USP45: variants seen among roughly 807,000 people sequenced by gnomAD.
The protein encoded by USP45 is ubiquitin carboxyl-terminal hydrolase 45.
A neutral mutation model predicts 95.8 loss-of-function variants in USP45; 89 were observed. The observed-to-expected ratio is 0.93, with a 90% CI of 0.78 to 1.11. The LOEUF (loss-of-function observed/expected upper bound fraction) is 1.11, where lower values mean the gene tolerates loss of function less well. Ranked by LOEUF, USP45 falls within the 50% of genes least tolerant of loss-of-function variation. USP45 has a pLI of 0.00. For synonymous variants in USP45, 281 were observed against 316.2 expected, an observed-to-expected ratio of 0.89 and a Z score of 1.18; for missense variants, 898 against 942.5, an observed-to-expected ratio of 0.95 and a Z score of 0.62.
intron 7 of USP45, among the ~76,000 whole-genome samples, chr6:99,486,393 C>A (rs1168396910): frequency 6.6e-6 from 1 of 152,042 alleles, no homozygotes; most frequent in African/African-American, 2.4e-5. Context: ...AACTCAACAT[C>A]CAATCGCATT....
upstream of USP45, among the ~76,000 whole-genome samples, chr6:99,516,425 T>C (rs1801113891): frequency 6.6e-6 from 1 of 152,214 alleles, no homozygotes; most frequent in African/African-American, 2.4e-5. Context: ...AGCATTGGCG[T>C]AGAAATCAGA....
rs116248042 is a variant in USP45 at position 99,454,782 on chromosome 6, C to T, written c.1309-8319G>A. ...GTTGGTGGGAATGTAATTAGTACAGCCATCATAGAAAACAGTATGGAGATG... is the reference window on the plus strand; with the variant it reads ...GTTGGTGGGAATGTAATTAGTACAGTCATCATAGAAAACAGTATGGAGATG... On this transcript the variant is annotated intron_variant, in intron 13 of 17. Transcript: ENST00000500704. Among the ~76,000 whole-genome samples the T allele has an allele frequency of 3.0e-3, 449 of 152,182 alleles. 2 individuals carry two copies. Among genetic ancestry groups the T allele is most frequent in the African/African-American group, 0.01 (435 of 41,516 alleles).
At chr6:99,471,803 C>T (rs1401234482) in intron 9 of USP45, among the ~76,000 whole-genome samples, 1 of 152,190 alleles carries the variant, frequency 6.6e-6, no homozygotes, top group Non-Finnish European at 1.5e-5. Context: ...AAACACATGG[C>T]AGTGACACCC....
chr6:99,448,606 G>T (rs1414664135), intron 13 of USP45, among the ~76,000 whole-genome samples: 1 of 152,274 alleles, frequency 6.6e-6, no homozygotes, highest in Middle Eastern at 3.4e-3. Flanking sequence ...CACTCTGCAG[G>T]ATATTATCCA....
At chr6:99,467,504 C>T (rs1365834927) in intron 10 of USP45, among the ~76,000 whole-genome samples, 25 of 151,982 alleles carry the variant, frequency 1.6e-4, no homozygotes, top group Non-Finnish European at 1.2e-4. Flanking sequence ...TTCATACAAA[C>T]AATATTCAAA....
chr6:99,516,013 G>A (rs1001537400), upstream of USP45, among the ~76,000 whole-genome samples: 1 of 151,904 alleles, frequency 6.6e-6, no homozygotes, highest in South Asian at 2.1e-4. Context: ...TCCTGACCTT[G>A]TGATCCGCCC....
intron 1 of USP45, among the ~76,000 whole-genome samples, chr6:99,513,227 C>G (rs878859278): frequency 1.3e-5 from 2 of 152,100 alleles, no homozygotes; most frequent in African/African-American, 4.8e-5. Flanking sequence ...TTCTCCATGT[C>G]GGGAGAAAGT....
intron 13 of USP45, chr6:99,462,030 T>C (rs1786567582): frequency 9.1e-6 from 9 of 985,176 alleles, no homozygotes; most frequent in Middle Eastern, 5.2e-4. Context: ...AATTTTCGCT[T>C]CTTGAATATA....
chr6:99,507,072 C>A (rs1349668446), intron 4 of USP45, among the ~76,000 whole-genome samples: 1 of 152,028 alleles, frequency 6.6e-6, no homozygotes, highest in Non-Finnish European at 1.5e-5. Context: ...GCAGGCATGG[C>A]GGCATGCGCC....
At chr6:99,456,145 A>G (rs951729964) in intron 13 of USP45, among the ~76,000 whole-genome samples, 26 of 151,366 alleles carry the variant, frequency 1.7e-4, no homozygotes, top group African/African-American at 5.1e-4. Context: ...AAAAAAAAAA[A>G]AAAAAAAAAA....
At chr6:99,480,574 G>T (rs1490770767) in intron 8 of USP45, among the ~76,000 whole-genome samples, 1 of 151,900 alleles carries the variant, frequency 6.6e-6, no homozygotes, top group African/African-American at 2.4e-5. Flanking sequence ...TGAGGCAGGA[G>T]AATTGCTTGA....
chr6:99,460,606 G>T (rs772924993), intron 13 of USP45, among the ~76,000 whole-genome samples: 1 of 152,062 alleles, frequency 6.6e-6, no homozygotes, highest in African/African-American at 2.4e-5. Flanking sequence ...AGATCCCTTC[G>T]AATACAGCGT....
chr6:99,481,294 T>C (rs547929446), intron 8 of USP45, among the ~76,000 whole-genome samples: 51 of 152,360 alleles, frequency 3.3e-4, no homozygotes, highest in African/African-American at 1.2e-3. Context: ...TGTGTATGTA[T>C]GATCACTTTT....
chr6:99,449,693 T>C (rs997402614), intron 13 of USP45, among the ~76,000 whole-genome samples: 3 of 152,204 alleles, frequency 2.0e-5, no homozygotes, highest in Non-Finnish European at 2.9e-5. Context: ...CTAGTAGACA[T>C]GAACAGAACT....
chr6:99,465,471 A>T (rs1787699466), intron 11 of USP45, among the ~76,000 whole-genome samples: 1 of 152,204 alleles, frequency 6.6e-6, no homozygotes, highest in South Asian at 2.1e-4. Flanking sequence ...TAACATAAGT[A>T]AACTATGAAA....
intron 5 of USP45, among the ~76,000 whole-genome samples, chr6:99,495,184 C>A (rs1796041521): frequency 6.6e-6 from 1 of 152,122 alleles, no homozygotes; most frequent in Non-Finnish European, 1.5e-5. Flanking sequence ...CAACAGTAAT[C>A]AAAATTTATA....
chr6:99,480,455 C>A (rs1481220427), intron 8 of USP45, among the ~76,000 whole-genome samples: 1 of 152,162 alleles, frequency 6.6e-6, no homozygotes, highest in East Asian at 1.9e-4. Context: ...GTGGGCAGAT[C>A]ACCTGAGGTT....
chr6:99,443,467 A>T, intron 15 of USP45, 98 bp downstream of exon 15: 1 of 715,038 alleles, frequency 1.4e-6, no homozygotes, highest in Non-Finnish European at 2.2e-6. Flanking sequence ...AAAATGCAAT[A>T]AGTTACTGGT....
chr6:99,485,095 C>T (rs772720597), intron 7 of USP45, among the ~76,000 whole-genome samples: 5 of 148,802 alleles, frequency 3.4e-5, no homozygotes, highest in African/African-American at 9.9e-5. Context: ...TTTGGGAGGC[C>T]GAGGCAGGTG....
Sources: gnomAD v4.1 joint callset for allele counts (sites outside exome capture counted in the v4.1 genomes callset) on GRCh38, gnomAD v4.1.1 for gene constraint, MANE v1.5 for transcripts, NCBI Gene and HGNC (gene_info 2026-07-23, HGNC 2026-07-21) for gene names.